The following ARHGAP17 variants were observed in gnomAD, a reference collection of about 807,000 sequenced individuals.
ARHGAP17 encodes rho GTPase-activating protein 17.
A neutral mutation model predicts 99.5 loss-of-function variants in ARHGAP17; 57 were observed. The observed-to-expected ratio is 0.57, with a 90% confidence interval of 0.46 to 0.71. The LOEUF is 0.71. Among genes scored for constraint, ARHGAP17 ranks in the 30% least tolerant of loss-of-function variants. ARHGAP17 has a pLI of 0.00. For missense variants in ARHGAP17, 1,000 were observed against 1,122.4 expected, an observed-to-expected ratio of 0.89 and a Z score of 1.56; for synonymous variants, 417 against 429.6, an observed-to-expected ratio of 0.97 and a Z score of 0.36.
chr16:24,933,574 C>T (rs1200950170), intron 18 of ARHGAP17, among the ~76,000 whole-genome samples: 1 of 152,032 alleles, frequency 6.6e-6, no homozygotes, highest in Non-Finnish European at 1.5e-5. Context: ...AACTCAGAAA[C>T]CACCAACCAG....
At chr16:24,950,674 A>G (rs1378473817) in intron 12 of ARHGAP17, among the ~76,000 whole-genome samples, 3 of 151,920 alleles carry the variant, frequency 2.0e-5, no homozygotes, top group Non-Finnish European at 2.9e-5. Flanking sequence ...GTCTCTACTA[A>G]AAATACAAAA....
intron 2 of ARHGAP17, among the ~76,000 whole-genome samples, 158 bp downstream of exon 2, chr16:24,978,808 C>T (rs2052590836): frequency 9.5e-6 from 1 of 105,338 alleles, no homozygotes; most frequent in African/African-American, 4.8e-5. Context: ...CATCATGCAA[C>T]AAAACTGTTT....
intron 1 of ARHGAP17, among the ~76,000 whole-genome samples, chr16:25,007,277 C>T (rs940423861): frequency 2.6e-5 from 4 of 152,160 alleles, no homozygotes; most frequent in African/African-American, 9.7e-5. Flanking sequence ...GTGCAAAGAA[C>T]ATATAGTGTG....
chr16:24,939,412 G>T lies in ARHGAP17; in HGVS notation c.1676C>A (p.Pro559His). The T allele has an allele frequency of 6.2e-7, 1 of 1,611,302 alleles. No homozygotes were observed. The highest frequency in any genetic ancestry group is 1.1e-5 in the South Asian group (1 of 90,690). Residue 559 changes from proline (P) to histidine (H), a missense_variant, in exon 17 of 20, where the codon CCC (proline) becomes CAC (histidine). Pro to His is a moderately conservative substitution (Grantham distance 77). This residue lies in a region of ARHGAP17 where 528 missense variants were observed against 511.4 expected (regional missense o/e 1.03). Transcript: ENST00000289968. ...CTGCTCCAGTATGCCCGCGGAAGAG[G>T]GGACAGTCCCACCCCCAGAGCTGCT... ...AESSSGGGTV[P>H]SSAGILEQGP...
At chr16:24,953,155 G>T in intron 10 of ARHGAP17, 113 bp from the exon 11 acceptor site, 2 of 938,156 alleles carry the variant, frequency 2.1e-6, no homozygotes, top group Non-Finnish European at 3.3e-6. Flanking sequence ...GTCTATGAAA[G>T]CAGTGTTACT....
intron 19 of ARHGAP17, among the ~76,000 whole-genome samples, chr16:24,922,670 A>G (rs1371885864): frequency 6.6e-6 from 1 of 151,910 alleles, no homozygotes; most frequent in African/African-American, 2.4e-5. Flanking sequence ...AGTAGCTAAC[A>G]TTAAAAAAAA....
intron 12 of ARHGAP17, among the ~76,000 whole-genome samples, chr16:24,949,866 C>T (rs1199972196): frequency 6.6e-6 from 1 of 152,184 alleles, no homozygotes; most frequent in Non-Finnish European, 1.5e-5. Flanking sequence ...AGCAGCCCAG[C>T]CACAGATCAG....
Position 24,931,175 on chromosome 16 carries a change from G to C in ARHGAP17, c.2124C>G (p.Ile708Met). Residue 708 changes from isoleucine (I) to methionine (M), a missense_variant, in exon 19 of 20, where the codon ATC becomes ATG. Ile to Met is a conservative substitution (Grantham distance 10). Transcript: ENST00000289968. ...PRRYSSSLSPIQAPNHPPPQP... is the reference protein window; with the variant it reads ...PRRYSSSLSPMQAPNHPPPQP... ...GCGGCGGTGGGTGATTGGGAGCTTGGATTGGAGACAAGCTGCTGGAGTACC... is the reference window on the plus strand; with the variant it reads ...GCGGCGGTGGGTGATTGGGAGCTTGCATTGGAGACAAGCTGCTGGAGTACC... 1 of 1,587,684 alleles carries C rather than the reference G, an allele frequency of 6.3e-7. No individual in the cohort carries two copies. Among genetic ancestry groups the C allele is most frequent in the Non-Finnish European group, 8.6e-7 (1 of 1,167,072 alleles).
At chr16:24,944,757 C>T (rs1472800952) in intron 14 of ARHGAP17, among the ~76,000 whole-genome samples, 2 of 152,176 alleles carry the variant, frequency 1.3e-5, no homozygotes, top group East Asian at 3.9e-4. Flanking sequence ...GCTGGGACTA[C>T]AGGCACCTGC....
At chr16:24,953,375 C>T (rs1453824643) in intron 10 of ARHGAP17, among the ~76,000 whole-genome samples, 3 of 152,188 alleles carry the variant, frequency 2.0e-5, no homozygotes, top group African/African-American at 7.2e-5. Context: ...TCTGTGTCCC[C>T]ACCCAAATCT....
At chr16:24,971,711 T>C (rs904513270) in intron 3 of ARHGAP17, among the ~76,000 whole-genome samples, 1 of 152,256 alleles carries the variant, frequency 6.6e-6, no homozygotes, top group Non-Finnish European at 1.5e-5. Context: ...AGCCAGTTTT[T>C]GTAATATTTT....
At position 24,970,522 on chromosome 16, in the gene ARHGAP17, T is replaced by C; in HGVS notation, c.257A>G (p.Glu86Gly). The change falls in exon 4 of 20, where the codon GAA becomes GGA. Residue 86 changes from glutamate to glycine, a missense_variant. By Grantham distance (98) the Glu-to-Gly change is moderately conservative (BLOSUM62 -2). Around this residue, in one of 2 missense-constraint regions of ARHGAP17, gnomAD observed 472 missense variants for 611.1 expected, o/e 0.77. Transcript: ENST00000289968. The stretch of plus-strand genomic sequence containing the variant: ...CAACTCTTACCCCAGGAGAGAGTCT[T>C]CCAGCTGAGTCGATGCTTCTTGCAT... ...QNMQEASTQLEDSLLGKMLET... is the reference protein window; with the variant it reads ...QNMQEASTQLGDSLLGKMLET... 2 of 1,614,148 alleles carry C rather than the reference T, an allele frequency of 1.2e-6. No homozygotes were observed. Among genetic ancestry groups the C allele is most frequent in the Non-Finnish European group, 8.5e-7 (1 of 1,179,992 alleles).
intron 1 of ARHGAP17, among the ~76,000 whole-genome samples, chr16:24,990,696 G>A (rs2053013707): frequency 6.6e-6 from 1 of 151,050 alleles, no homozygotes; most frequent in African/African-American, 2.4e-5. Flanking sequence ...TCATAAGGTT[G>A]TCAAAAATAA....
Position 24,968,641 on chromosome 16 carries a change from C to T in ARHGAP17, c.384+20G>A. On this transcript the variant is annotated intron_variant, in intron 5 of 19. Transcript: ENST00000289968. ...CCACACCACTCTCGGCTCTTCCGTGCTGCACGGTGAAGCACCCACCTCAGC... is the reference window on the plus strand; with the variant it reads ...CCACACCACTCTCGGCTCTTCCGTGTTGCACGGTGAAGCACCCACCTCAGC... 1 of 1,612,936 alleles carries T rather than the reference C, an allele frequency of 6.2e-7. No homozygotes were observed. Among genetic ancestry groups the T allele is most frequent in the South Asian group, 1.1e-5 (1 of 91,054 alleles).
At chr16:24,927,515 G>A (rs956871600) in intron 19 of ARHGAP17, among the ~76,000 whole-genome samples, 5 of 152,176 alleles carry the variant, frequency 3.3e-5, no homozygotes, top group East Asian at 1.9e-4. Context: ...TTAGTATTCC[G>A]AATCATTGCA....
At chr16:24,947,408 C>T in intron 14 of ARHGAP17, 74 bp downstream of exon 14, 2 of 1,308,186 alleles carry the variant, frequency 1.5e-6, no homozygotes, top group Non-Finnish European at 2.2e-6. Flanking sequence ...GAATGTGTAA[C>T]CTGAGTTACA....
intron 9 of ARHGAP17, among the ~76,000 whole-genome samples, chr16:24,958,477 C>T (rs185969302): frequency 7.9e-5 from 12 of 152,282 alleles, no homozygotes; most frequent in Non-Finnish European, 1.6e-4. Context: ...CCAGAGACCT[C>T]GTTCCTTTGC....
At chr16:24,977,532 C>T (rs1417007562) in intron 2 of ARHGAP17, 5 of 375,098 alleles carry the variant, frequency 1.3e-5, no homozygotes, top group South Asian at 1.0e-4. Context: ...ATGAATGATC[C>T]GGGCCCAGAC....
chr16:25,007,650 G>C (rs2053542257), intron 1 of ARHGAP17, among the ~76,000 whole-genome samples: 1 of 152,166 alleles, frequency 6.6e-6, no homozygotes, highest in Admixed American at 6.6e-5. Flanking sequence ...ACAAGCATGG[G>C]CCACTGCACC....
Sources: gnomAD v4.1 joint callset for allele counts (sites outside exome capture counted in the v4.1 genomes callset) on GRCh38, gnomAD v4.1.1 for gene constraint, gnomAD v4.1.1 regional missense constraint, MANE v1.5 for transcripts, NCBI Gene and HGNC (gene_info 2026-07-23, HGNC 2026-07-21) for gene names.